The following CCNE2 variants were observed in gnomAD, a reference collection of about 807,000 sequenced individuals.
CCNE2 encodes G1/S-specific cyclin-E2.
In CCNE2, 18 loss-of-function variants were observed where a neutral mutation model predicts 56.8. That is an observed-to-expected ratio of 0.32 (90% confidence interval 0.22 to 0.47). The LOEUF (loss-of-function observed/expected upper bound fraction) is 0.47. Among genes scored for constraint, CCNE2 ranks in the 20% least tolerant of loss-of-function variants. The pLI is 1.00. For missense variants in CCNE2, 371 were observed against 467.1 expected, an observed-to-expected ratio of 0.79 and a Z score of 1.90; for synonymous variants, 139 against 149.2, an observed-to-expected ratio of 0.93 and a Z score of 0.50.
rs554743015 is a variant in CCNE2 at position 94,881,317 on chromosome 8, G to A, written c.*315C>T. The A allele has an allele frequency of 1.8e-4, 69 of 373,818 alleles. No homozygotes were observed. The highest frequency in any genetic ancestry group is 3.1e-4 in the Non-Finnish European group (65 of 210,732). 23.2% of individuals were successfully genotyped at this position (373,818 alleles called of 1,614,324 possible). A position where few individuals can be genotyped will look rare whatever the true frequency, so the allele number is the denominator to read the frequency against. ...AGTGACAAAATTCCTAGTTTATCAAGATAAACACAGTAACACTGGATTAAA... is the reference window on the plus strand; with the variant it reads ...AGTGACAAAATTCCTAGTTTATCAAAATAAACACAGTAACACTGGATTAAA... On this transcript the variant is annotated 3_prime_UTR_variant, in exon 12 of 12. Transcript: ENST00000308108.
rs1287076944 is a variant in CCNE2 at position 94,892,974 on chromosome 8, C to T, written c.166-5G>A. The T allele has an allele frequency of 3.3e-6, 5 of 1,522,048 alleles. No homozygotes were observed. The highest frequency in any genetic ancestry group is 4.4e-6 in the Non-Finnish European group (5 of 1,148,142). The allele number at this position is 1,522,048 out of a possible 1,614,324, so 94.3% of individuals were successfully genotyped here. A position where few individuals can be genotyped will look rare whatever the true frequency, so the allele number is the denominator to read the frequency against. On this transcript the variant is annotated splice_polypyrimidine_tract_variant and splice_region_variant and intron_variant, in intron 4 of 11. Transcript: ENST00000308108. The stretch of plus-strand genomic sequence containing the variant: ...TAATACAGGTGGCCAACAATTCTGT[C>T]ATAAAAAAAAAGAAAAATATCAATT...
In CCNE2 at chr8:94,890,406, G is replaced by A. The variant is rs1409676220; in HGVS notation, c.453+9C>T. On this transcript the variant is annotated intron_variant, in intron 6 of 11. Transcript: ENST00000308108. ...AGAGACAAAGGAAATTTGTATTGCT[G>A]TAACATACCTCTAAAAGCCAGTCTA... 6.4e-7 allele frequency: 1 copy of A among 1,559,986 alleles called. No individual in the cohort carries two copies. The highest frequency in any genetic ancestry group is 1.9e-5 in the Admixed American group (1 of 51,346).
At chr8:94,893,029 G>A in intron 4 of CCNE2, 60 bp from the exon 5 acceptor site, 1 of 1,327,054 alleles carries the variant, frequency 7.5e-7, no homozygotes, top group East Asian at 2.6e-5. Context: ...TTTTTGTAAT[G>A]GATCTTTCAT....
chr8:94,882,997 C>T, intron 9 of CCNE2, 105 bp from the exon 10 acceptor site: 1 of 717,928 alleles, frequency 1.4e-6, no homozygotes, highest in Non-Finnish European at 2.3e-6. Flanking sequence ...ACCACCCGGC[C>T]AGGCGCGGTG....
chr8:94,888,062 T>C lies in CCNE2; in HGVS notation c.465A>G (p.Val155=). ...AAAATGTTTCCCTATGAAGTGTGTA[T>C]ACTTCACATACCTAGAGAAGAATCC... ...LLDWLLEVCE[V]YTLHRETFYL... The change falls in exon 7 of 12, where the codon GTA becomes GTG. Residue 155 remains valine, a synonymous_variant. Transcript: ENST00000308108. 6.4e-7 allele frequency: 1 copy of C among 1,551,464 alleles called. No homozygotes were observed. The highest frequency in any genetic ancestry group is 1.2e-5 in the South Asian group (1 of 81,556).
rs1036494819 is a variant in CCNE2, at chr8:94,887,512, G to GA, written c.600+414dup. ...AGAGTGAGACTTCGTCTCGAAAAAA[G>GA]AAAAAAAAAAGGCTGGATAAACCAT... On this transcript the variant is annotated intron_variant, in intron 7 of 11. Coordinates refer to ENST00000308108, the MANE Select transcript of CCNE2 (RefSeq NM_057749.3). Among the ~76,000 whole-genome samples, 86 of 141,864 alleles carry GA rather than the reference G, an allele frequency of 6.1e-4. 1 individual carries two copies. Among genetic ancestry groups the GA allele is most frequent in the African/African-American group, 1.9e-3 (74 of 38,570 alleles). 93.1% of individuals were successfully genotyped at this position (141,864 alleles called of 152,430 possible).
intron 1 of CCNE2, chr8:94,894,787 G>A (rs1414261841): frequency 6.6e-6 from 1 of 152,484 alleles, no homozygotes; most frequent in African/African-American, 2.4e-5. Context: ...GCCGCTCGGA[G>A]GGGCGCCGGG....
At chr8:94,886,432 T>C (rs1008785613) in intron 7 of CCNE2, among the ~76,000 whole-genome samples, 5 of 151,968 alleles carry the variant, frequency 3.3e-5, no homozygotes, top group African/African-American at 1.2e-4. Flanking sequence ...CCGGGTGCAG[T>C]GCAGCAGCTC....
intron 5 of CCNE2, chr8:94,892,040 C>T (rs898107829): frequency 2.0e-5 from 15 of 748,912 alleles, no homozygotes; most frequent in Non-Finnish European, 3.5e-5. Flanking sequence ...CCAGAAGAGG[C>T]GGTTGCCCAG....
Position 94,882,299 on chromosome 8 carries a change from T to G in CCNE2, c.944-10A>C. 1 of 1,575,560 alleles carries G rather than the reference T, an allele frequency of 6.3e-7. No homozygotes were observed. Among genetic ancestry groups the G allele is most frequent in the Non-Finnish European group, 8.6e-7 (1 of 1,161,868 alleles). On this transcript the variant is annotated splice_polypyrimidine_tract_variant and intron_variant, in intron 10 of 11. Coordinates refer to ENST00000308108, the MANE Select transcript of CCNE2 (RefSeq NM_057749.3). ...CTGTCCCACTCCAAACCTAGATAGA[T>G]AGAAAAAAGTTAGAAAAGCATGAAG...
chr8:94,881,859 CAAGTGTG>C (rs1816830702), intron 11 of CCNE2, 114 bp from the exon 12 acceptor site: 1 of 1,291,818 alleles, frequency 7.7e-7, no homozygotes, highest in Non-Finnish European at 1.1e-6. Context: ...TATGTCTTTG[CAAGTGTG>C]AAGGGTCATA....
chr8:94,894,217 G>T lies in CCNE2; in HGVS notation c.5C>A (p.Ser2Ter). ...AGACAGATAATGTTACCTTCGTCTT[G>T]ACATTCTCTTCTTTCAGGTGTATAA... M[S>*]RRSSRLQAKQ... Residue 2 changes from serine to a stop codon, truncating the protein, a stop_gained, in exon 2 of 12, where the codon TCA (serine) becomes TAA (stop). Transcript: ENST00000308108. LOFTEE classifies it high-confidence loss of function. 1 of 1,614,052 alleles carries T rather than the reference G, an allele frequency of 6.2e-7. No individual in the cohort carries two copies. The highest frequency in any genetic ancestry group is 1.1e-5 in the South Asian group (1 of 91,074).
At chr8:94,890,353 T>C (rs1444743583) in intron 6 of CCNE2, 62 bp downstream of exon 6, 4 of 1,379,826 alleles carry the variant, frequency 2.9e-6, no homozygotes, top group Non-Finnish European at 3.9e-6. Context: ...AGAAAGCACA[T>C]TTACAGCTAA....
upstream of CCNE2, chr8:94,895,804 T>G (rs1229086322): frequency 6.6e-6 from 1 of 151,928 alleles, no homozygotes; most frequent in African/African-American, 2.4e-5. Context: ...TAAACACCAC[T>G]CAGCCACGCG....
chr8:94,884,659 A>G (rs1816966060), intron 9 of CCNE2: 1 of 155,422 alleles, frequency 6.4e-6, no homozygotes, highest in African/African-American at 2.4e-5. Flanking sequence ...CTTTGAATTT[A>G]TGTTCTAAAA....
chr8:94,884,015 G>C, intron 9 of CCNE2: 1 of 408,074 alleles, frequency 2.5e-6, no homozygotes, highest in Admixed American at 2.4e-5. Context: ...CTATCAGAAG[G>C]GTATAGCTGC....
In CCNE2 at chr8:94,885,168, T is replaced by C. The variant is rs1305099171; in HGVS notation, c.730A>G (p.Ile244Val). Residue 244 changes from isoleucine to valine, a missense_variant, in exon 9 of 12, where the codon ATC becomes GTC. Transcript: ENST00000308108. The stretch of plus-strand genomic sequence containing the variant: ...TGGAGAAAGAGATTTAGCCAGGAGA[T>C]GATTGTTACAGGACAAAGTTCCCAT... Reference protein sequence around the residue: ...LKWELCPVTIISWLNLFLQVD... With the variant: ...LKWELCPVTIVSWLNLFLQVD... The C allele has an allele frequency of 5.0e-6, 8 of 1,613,614 alleles. No homozygotes were observed. Among genetic ancestry groups the C allele is most frequent in the African/African-American group, 4.0e-5 (3 of 74,926 alleles).
At chr8:94,885,228 G>A (rs1421183872) in intron 8 of CCNE2, 27 bp from the exon 9 acceptor site, 1 of 1,605,258 alleles carries the variant, frequency 6.2e-7, no homozygotes, top group Non-Finnish European at 8.5e-7. Context: ...AAAAATGCCT[G>A]TTAATGAATG....
chr8:94,895,297 C>G (rs1385765255), upstream of CCNE2: 2 of 976,398 alleles, frequency 2.0e-6, no homozygotes, highest in East Asian at 1.1e-4. Context: ...GCGCTCCCCT[C>G]TCCCGCCCGT....
Sources: gnomAD v4.1 joint callset for allele counts (sites outside exome capture counted in the v4.1 genomes callset) on GRCh38, gnomAD v4.1.1 for gene constraint, MANE v1.5 for transcripts, NCBI Gene and HGNC (gene_info 2026-07-23, HGNC 2026-07-21) for gene names.